The following GPR158 variants were observed in gnomAD, a reference collection of about 807,000 sequenced individuals.
GPR158 encodes the protein metabotropic glycine receptor.
In GPR158, 30 loss-of-function variants were observed where a neutral mutation model predicts 78.2. The observed-to-expected ratio is 0.38, with a 90% CI of 0.29 to 0.52. The LOEUF (loss-of-function observed/expected upper bound fraction) is 0.52, where lower values mean the gene tolerates loss of function less well. GPR158 is among the 20% of genes least tolerant of loss of function. The pLI is 0.83. For missense variants in GPR158, 1,463 were observed against 1,523.5 expected (o/e 0.96, Z 0.66); for synonymous variants, 581 against 591.1 (o/e 0.98, Z 0.25).
chr10:25,312,917 A>G (rs899676000), intron 2 of GPR158, among the ~76,000 whole-genome samples: 2 of 152,062 alleles, frequency 1.3e-5, no homozygotes, highest in Non-Finnish European at 2.9e-5. Flanking sequence ...TTTTTGCATT[A>G]TCAGTAAAAG....
intron 5 of GPR158, among the ~76,000 whole-genome samples, chr10:25,502,421 A>G (rs1002988630): frequency 6.6e-6 from 1 of 152,154 alleles, no homozygotes; most frequent in African/African-American, 2.4e-5. Context: ...ACCCTGCGTG[A>G]GGCTGTCATT....
At chr10:25,439,791 T>G (rs1835044562) in intron 4 of GPR158, among the ~76,000 whole-genome samples, 1 of 152,174 alleles carries the variant, frequency 6.6e-6, no homozygotes, top group African/African-American at 2.4e-5. Context: ...GAATTTTGAT[T>G]GGTATTGCAT....
chr10:25,396,472 C>G (rs1301371619), intron 3 of GPR158, among the ~76,000 whole-genome samples: 2 of 152,092 alleles, frequency 1.3e-5, no homozygotes. Context: ...TCTGGGTTAG[C>G]TGGGTCCTAA....
At chr10:25,483,919 A>G (rs866299520) in intron 5 of GPR158, among the ~76,000 whole-genome samples, 17 of 152,320 alleles carry the variant, frequency 1.1e-4, no homozygotes, top group East Asian at 9.6e-4. Flanking sequence ...TTGAATTTCA[A>G]TATAATTTTA....
chr10:25,397,735 G>A (rs1356454862), intron 3 of GPR158, among the ~76,000 whole-genome samples: 1 of 152,156 alleles, frequency 6.6e-6, no homozygotes, highest in Non-Finnish European at 1.5e-5. Context: ...AGAATTCTAA[G>A]GTGGCCTCCC....
chr10:25,397,399 A>G (rs576796921), intron 3 of GPR158, among the ~76,000 whole-genome samples: 2 of 152,292 alleles, frequency 1.3e-5, no homozygotes, highest in African/African-American at 2.4e-5. Flanking sequence ...AGGGTTTGGG[A>G]GTTGCTAAAA....
chr10:25,237,709 C>G lies in GPR158; in HGVS notation c.1008+16552C>G, dbSNP rs1038505024. On this transcript the variant is annotated intron_variant, in intron 2 of 10. Transcript: ENST00000376351. ...TGATACCTTTTAAAGCTGCATCTCT[C>G]TCTCTGACAAACAGTGAGTTTTACT... Among the ~76,000 whole-genome samples, 4 of 152,332 alleles carry G rather than the reference C, an allele frequency of 2.6e-5. No homozygotes were observed. In the South Asian group the frequency reaches 8.3e-4, roughly 32 times the overall value.
chr10:25,454,685 T>C (rs1259953024), intron 4 of GPR158, among the ~76,000 whole-genome samples: 1 of 152,204 alleles, frequency 6.6e-6, no homozygotes, highest in East Asian at 1.9e-4. Context: ...TCGCCCATTT[T>C]TAATCCCTAT....
intron 2 of GPR158, among the ~76,000 whole-genome samples, chr10:25,362,352 T>C (rs1429819642): frequency 6.6e-6 from 1 of 151,916 alleles, no homozygotes; most frequent in African/African-American, 2.4e-5. Context: ...GGTTTTATTA[T>C]GGTGGTTTTA....
chr10:25,520,633 G>A lies in GPR158; in HGVS notation c.1405-30343G>A, dbSNP rs535149469. On this transcript the variant is annotated intron_variant, in intron 5 of 10. Transcript: ENST00000376351. ...TGCAGGTCTGTTGGAATACCCTGCC[G>A]TGTGAGGTGTCAGTGTGCCCCTGCT... is the stretch of plus-strand genomic sequence containing the variant. Among the ~76,000 whole-genome samples, 11 of 151,258 alleles carry A rather than the reference G, an allele frequency of 7.3e-5. No individual in the cohort carries two copies. The Middle Eastern group carries it at 0.014, about 187-fold the overall frequency.
At chr10:25,471,143 G>A (rs897922126) in intron 5 of GPR158, among the ~76,000 whole-genome samples, 25 of 143,242 alleles carry the variant, frequency 1.7e-4, no homozygotes, top group African/African-American at 6.3e-4. Flanking sequence ...GGTGTGTGAT[G>A]TTCCCTCCCC....
At chr10:25,204,258 C>A (rs1048593673) in intron 1 of GPR158, among the ~76,000 whole-genome samples, 8 of 152,132 alleles carry the variant, frequency 5.3e-5, no homozygotes, top group Non-Finnish European at 8.8e-5. Context: ...TTTCTCCTGC[C>A]TGATTGCCCT....
chr10:25,296,374 A>G (rs966574027), intron 2 of GPR158, among the ~76,000 whole-genome samples: 4 of 152,156 alleles, frequency 2.6e-5, no homozygotes, highest in African/African-American at 9.7e-5. Flanking sequence ...TGGTAGGGGT[A>G]TCAACAGCAT....
chr10:25,463,977 A>G (rs548743242), intron 4 of GPR158, among the ~76,000 whole-genome samples: 1 of 152,252 alleles, frequency 6.6e-6, no homozygotes, highest in East Asian at 1.9e-4. Flanking sequence ...GTTCCTTCTC[A>G]TTCTGTGAGG....
chr10:25,393,680 C>T (rs1296688793), intron 2 of GPR158: 1 of 152,124 alleles, frequency 6.6e-6, no homozygotes, highest in East Asian at 1.9e-4. Context: ...TGGTTCTCCT[C>T]TATTTGGGAA....
intron 2 of GPR158, among the ~76,000 whole-genome samples, chr10:25,321,163 A>G (rs1854942968): frequency 6.6e-6 from 1 of 152,244 alleles, no homozygotes; most frequent in Admixed American, 6.5e-5. Flanking sequence ...CAATCTCTGG[A>G]CAATATATAT....
At chr10:25,372,420 G>C (rs980706639) in intron 2 of GPR158, among the ~76,000 whole-genome samples, 2 of 147,922 alleles carry the variant, frequency 1.4e-5, no homozygotes, top group Admixed American at 1.3e-4. Context: ...TATGTTTATT[G>C]CGGCATTATT....
intron 3 of GPR158, 115 bp from the exon 4 acceptor site, chr10:25,412,135 G>C: frequency 1.4e-6 from 1 of 724,832 alleles, no homozygotes; most frequent in East Asian, 2.5e-5. Context: ...GTTGACAAAA[G>C]GTCTTTAATA....
rs754944053 is a variant in GPR158, at chr10:25,572,671, C to T, written c.1537C>T (p.Arg513Ter). The T allele has an allele frequency of 5.0e-6, 8 of 1,612,964 alleles. No individual in the cohort carries two copies. The highest frequency in any genetic ancestry group is 2.2e-5 in the East Asian group (1 of 44,874). ...LHRVLKVFLS[R>*]TAQRIPYMTG... ...TAGGGTTTTGAAGGTGTTTCTTTCA[C>T]GAACGGCTCAACGAATTCCATATAT... Residue 513 changes from arginine (R) to a stop codon, truncating the protein, a stop_gained, in exon 7 of 11, where the codon CGA becomes TGA. Coordinates refer to ENST00000376351, the MANE Select transcript of GPR158 (RefSeq NM_020752.3). LOFTEE classifies it high-confidence loss of function.
Sources: gnomAD v4.1 joint callset for allele counts (sites outside exome capture counted in the v4.1 genomes callset) on GRCh38, gnomAD v4.1.1 for gene constraint, MANE v1.5 for transcripts, NCBI Gene and HGNC (gene_info 2026-07-23, HGNC 2026-07-21) for gene names.